Variants in ADGRL3 observed in about 807,000 individuals in gnomAD.
ADGRL3 encodes the protein adhesion G protein-coupled receptor L3, also known as calcium-independent alpha-latrotoxin receptor 3.
Under a neutral mutation model 153.5 loss-of-function variants are expected in ADGRL3, and 62 were observed. The ratio of observed to expected loss-of-function variants is 0.40; its 90% CI spans 0.33 to 0.50. The LOEUF is 0.50. ADGRL3 is among the 20% of genes least tolerant of loss of function. The pLI is 0.47. For synonymous variants in ADGRL3, 710 were observed against 672.5 expected (o/e 1.06, Z -0.86); for missense variants, 1,641 against 1,859.4 (o/e 0.88, Z 2.16).
intron 1 of ADGRL3, among the ~76,000 whole-genome samples, chr4:61,371,963 T>G (rs919463822): frequency 6.6e-6 from 1 of 152,138 alleles, no homozygotes; most frequent in African/African-American, 2.4e-5. Context: ...CTTCCGTTCT[T>G]GCTTCATTTC....
intron 25 of ADGRL3, among the ~76,000 whole-genome samples, chr4:62,049,355 C>T (rs765413114): frequency 1.3e-5 from 2 of 152,126 alleles, no homozygotes; most frequent in African/African-American, 2.4e-5. Flanking sequence ...CTCCTATCCT[C>T]CATCTTGTCA....
At chr4:61,323,499 C>A (rs2095406622) in intron 1 of ADGRL3, among the ~76,000 whole-genome samples, 1 of 152,168 alleles carries the variant, frequency 6.6e-6, no homozygotes, top group South Asian at 2.1e-4. Flanking sequence ...CAAGTCACCT[C>A]TTGAATGCTT....
At chr4:62,044,697 T>G in intron 25 of ADGRL3, 148 bp downstream of exon 25, 1 of 492,144 alleles carries the variant, frequency 2.0e-6, no homozygotes, top group Non-Finnish European at 3.6e-6. Flanking sequence ...TAGCAATGTG[T>G]TCCATTATTC....
intron 8 of ADGRL3, among the ~76,000 whole-genome samples, chr4:61,771,993 A>G (rs1047159401): frequency 3.3e-5 from 5 of 152,164 alleles, no homozygotes; most frequent in Admixed American, 6.5e-5. Flanking sequence ...CAGGGCCCCT[A>G]TCTAACAGTT....
chr4:61,869,315 G>C (rs1188235893), intron 9 of ADGRL3, among the ~76,000 whole-genome samples: 1 of 152,062 alleles, frequency 6.6e-6, no homozygotes, highest in Non-Finnish European at 1.5e-5. Flanking sequence ...ATTTAAAAAT[G>C]AGGCCGGGCG....
chr4:61,208,228 G>A (rs1044613598), intron 1 of ADGRL3, among the ~76,000 whole-genome samples: 1 of 151,892 alleles, frequency 6.6e-6, no homozygotes, highest in Non-Finnish European at 1.5e-5. Context: ...GAACAGAAAG[G>A]GACTCTGGAG....
At chr4:61,877,417 G>C (rs2098482194) in intron 9 of ADGRL3, among the ~76,000 whole-genome samples, 1 of 152,174 alleles carries the variant, frequency 6.6e-6, no homozygotes, top group African/African-American at 2.4e-5. Context: ...GAATACAAAG[G>C]AGTAGCACAA....
At chr4:61,642,942 T>A (rs1021539244) in intron 5 of ADGRL3, among the ~76,000 whole-genome samples, 14 of 152,358 alleles carry the variant, frequency 9.2e-5, no homozygotes, top group African/African-American at 3.4e-4. Context: ...CTTCCATTTG[T>A]TTGTATCCTC....
At chr4:61,792,081 C>A (rs2097350068) in intron 8 of ADGRL3, among the ~76,000 whole-genome samples, 1 of 152,172 alleles carries the variant, frequency 6.6e-6, no homozygotes, top group Non-Finnish European at 1.5e-5. Context: ...CTGCAGCAGG[C>A]TTGAATTTCT....
intron 4 of ADGRL3, chr4:61,579,753 G>A (rs2098915676): frequency 6.7e-6 from 2 of 297,146 alleles, no homozygotes; most frequent in African/African-American, 4.6e-5. Context: ...GTTGTCTTTG[G>A]TTATTCTTTT....
chr4:62,014,056 A>G (rs866051161), intron 21 of ADGRL3, among the ~76,000 whole-genome samples: 3 of 152,208 alleles, frequency 2.0e-5, no homozygotes, highest in Middle Eastern at 3.4e-3. Context: ...ATGAACATGA[A>G]TTGGGTGATA....
At chr4:61,497,715 G>A (rs1380573190) in intron 3 of ADGRL3, among the ~76,000 whole-genome samples, 1 of 148,604 alleles carries the variant, frequency 6.7e-6, no homozygotes, top group African/African-American at 2.5e-5. Flanking sequence ...TAGTAGAGAC[G>A]GGGTTTCACA....
At chr4:61,625,193 G>A (rs890837422) in intron 5 of ADGRL3, among the ~76,000 whole-genome samples, 7 of 152,000 alleles carry the variant, frequency 4.6e-5, no homozygotes, top group East Asian at 3.9e-4. Context: ...AGTGCTTGGT[G>A]TATGCCAAGC....
chr4:61,272,887 G>T (rs2093271092), intron 1 of ADGRL3, among the ~76,000 whole-genome samples: 1 of 152,082 alleles, frequency 6.6e-6, no homozygotes, highest in Non-Finnish European at 1.5e-5. Context: ...TCAGCTTTTA[G>T]CTATTGTGTG....
At chr4:61,777,468 A>G (rs1343203760) in intron 8 of ADGRL3, among the ~76,000 whole-genome samples, 1 of 152,198 alleles carries the variant, frequency 6.6e-6, no homozygotes, top group African/African-American at 2.4e-5. Flanking sequence ...AGTAGTTCAG[A>G]TTTGAGCTCT....
At chr4:62,022,727 C>T (rs890209479) in intron 21 of ADGRL3, among the ~76,000 whole-genome samples, 3 of 151,784 alleles carry the variant, frequency 2.0e-5, no homozygotes, top group African/African-American at 4.8e-5. Flanking sequence ...GCCTGCATGA[C>T]AGCACACCTG....
intron 9 of ADGRL3, among the ~76,000 whole-genome samples, chr4:61,851,720 T>A (rs558650435): frequency 4.2e-4 from 64 of 152,166 alleles, no homozygotes; most frequent in African/African-American, 1.5e-3. Flanking sequence ...AAAATGGTGT[T>A]TCCTAAAAGT....
At chr4:61,458,482 G>A (rs2097777230) in intron 2 of ADGRL3, among the ~76,000 whole-genome samples, 1 of 151,012 alleles carries the variant, frequency 6.6e-6, no homozygotes, top group African/African-American at 2.4e-5. Context: ...TATATATATG[G>A]TTTAGAAATT....
chr4:61,362,409 C>A (rs921735714), intron 1 of ADGRL3, among the ~76,000 whole-genome samples: 4 of 151,848 alleles, frequency 2.6e-5, no homozygotes, highest in African/African-American at 9.7e-5. Context: ...ACCACCCCTC[C>A]ACCTGTCCCC....
Sources: allele counts gnomAD v4.1 joint callset (sites outside exome capture counted in the v4.1 genomes callset), GRCh38; gene constraint gnomAD v4.1.1; transcripts MANE v1.5; gene names NCBI Gene and HGNC (gene_info 2026-07-23, HGNC 2026-07-21).